Variants in CARMIL1 observed in about 807,000 individuals in gnomAD.
CARMIL1 encodes the protein capping protein regulator and myosin 1 linker 1.
A neutral mutation model predicts 177.1 loss-of-function variants in CARMIL1; 90 were observed. The ratio of observed to expected loss-of-function variants is 0.51; its 90% CI spans 0.43 to 0.61. The LOEUF (loss-of-function observed/expected upper bound fraction) is 0.61, where lower values mean the gene tolerates loss of function less well. Ranked by LOEUF, CARMIL1 falls within the 20% of genes least tolerant of loss-of-function variation. The pLI is 0.00. For missense variants in CARMIL1, 1,380 were observed against 1,667.0 expected, an observed-to-expected ratio of 0.83 and a Z score of 3.00; for synonymous variants, 577 against 606.2, an observed-to-expected ratio of 0.95 and a Z score of 0.71.
At chr6:25,518,474 C>T (rs531929385) in intron 22 of CARMIL1, among the ~76,000 whole-genome samples, 17 of 152,280 alleles carry the variant, frequency 1.1e-4, no homozygotes, top group Admixed American at 2.6e-4. Context: ...TCTCTCAGCC[C>T]CTTCTCTGTG....
intron 2 of CARMIL1, among the ~76,000 whole-genome samples, chr6:25,301,745 C>T (rs1348649777): frequency 3.9e-5 from 6 of 152,188 alleles, no homozygotes; most frequent in Non-Finnish European, 8.8e-5. Context: ...GTGAGATTCT[C>T]ACGGGCAGTT....
chr6:25,311,540 C>CG (rs11293298), intron 2 of CARMIL1, among the ~76,000 whole-genome samples: 191 of 151,884 alleles, frequency 1.3e-3, no homozygotes, highest in African/African-American at 4.2e-3. Flanking sequence ...ATATATAGAG[C>CG]GGGGGAAAAA....
Position 25,477,852 on chromosome 6 carries a change from C to CTTT in CARMIL1, c.875-4386_875-4384dup, listed in dbSNP as rs56068417. 3.1e-3 allele frequency among the ~76,000 whole-genome samples: 304 copies of CTTT among 97,976 alleles called. 7 individuals are homozygous for CTTT. Among genetic ancestry groups the CTTT allele is most frequent in the Middle Eastern group, 0.01 (1 of 96 alleles). 64.3% of individuals were successfully genotyped at this position (97,976 alleles called of 152,430 possible). A position where few individuals can be genotyped will look rare whatever the true frequency, so the allele number is the denominator to read the frequency against. On this transcript the variant is annotated intron_variant, in intron 11 of 36. Coordinates refer to ENST00000329474, the MANE Select transcript of CARMIL1 (RefSeq NM_017640.6). ...TGTCTGTCCTCACTTCTTCTCATCACTTTTTTTTTTTTTTTTTTTTTGAGA... is the reference window on the plus strand; with the variant it reads ...TGTCTGTCCTCACTTCTTCTCATCACTTTTTTTTTTTTTTTTTTTTTTTTGAGA...
chr6:25,518,130 C>T (rs1232196957), intron 22 of CARMIL1, among the ~76,000 whole-genome samples: 3 of 152,046 alleles, frequency 2.0e-5, no homozygotes, highest in African/African-American at 4.8e-5. Flanking sequence ...GCATAGAAGC[C>T]GTTTCCCTGG....
At chr6:25,312,366 A>G (rs1783897358) in intron 2 of CARMIL1, among the ~76,000 whole-genome samples, 2 of 152,224 alleles carry the variant, frequency 1.3e-5, no homozygotes, top group Admixed American at 1.3e-4. Context: ...TTAAGATACC[A>G]AGGATGATTT....
At chr6:25,562,454 G>C (rs1203165017) in intron 29 of CARMIL1, among the ~76,000 whole-genome samples, 1 of 151,950 alleles carries the variant, frequency 6.6e-6, no homozygotes, top group Non-Finnish European at 1.5e-5. Flanking sequence ...TCACCATCTT[G>C]GCCAGTCTGG....
At chr6:25,298,532 A>T (rs192203284) in intron 2 of CARMIL1, among the ~76,000 whole-genome samples, 2 of 152,136 alleles carry the variant, frequency 1.3e-5, no homozygotes, top group Non-Finnish European at 2.9e-5. Flanking sequence ...TGCATTTCCA[A>T]TACGTATCTG....
chr6:25,463,157 T>G (rs1409498181), intron 8 of CARMIL1, among the ~76,000 whole-genome samples: 1 of 151,794 alleles, frequency 6.6e-6, no homozygotes, highest in African/African-American at 2.4e-5. Flanking sequence ...TTTAAAAACA[T>G]AATAATTTTG....
At chr6:25,567,330 T>G (rs1244347932) in intron 29 of CARMIL1, among the ~76,000 whole-genome samples, 1 of 152,204 alleles carries the variant, frequency 6.6e-6, no homozygotes, top group Non-Finnish European at 1.5e-5. Flanking sequence ...AGGTTTATTA[T>G]TCTCAGTGGA....
At chr6:25,427,810 A>G (rs1436981716) in intron 4 of CARMIL1, among the ~76,000 whole-genome samples, 1 of 152,208 alleles carries the variant, frequency 6.6e-6, no homozygotes, top group Non-Finnish European at 1.5e-5. Context: ...ATGACAGAAC[A>G]TGTGGAGTAT....
intron 3 of CARMIL1, among the ~76,000 whole-genome samples, chr6:25,425,226 T>G (rs1326849089): frequency 6.6e-6 from 1 of 152,156 alleles, no homozygotes; most frequent in Non-Finnish European, 1.5e-5. Context: ...TTCATAAGTG[T>G]TTGTCAGTTG....
intron 36 of CARMIL1, among the ~76,000 whole-genome samples, chr6:25,616,814 G>A (rs186442162): frequency 2.9e-4 from 44 of 152,178 alleles, no homozygotes; most frequent in Middle Eastern, 3.4e-3. Context: ...TTCACATTAG[G>A]GATCTGGACT....
intron 2 of CARMIL1, among the ~76,000 whole-genome samples, chr6:25,396,349 A>C (rs1793386551): frequency 6.8e-6 from 1 of 148,024 alleles, no homozygotes; most frequent in Admixed American, 6.7e-5. Context: ...ATCATGTTTT[A>C]ATTTTTTTTT....
chr6:25,603,724 A>C (rs1405126526), intron 33 of CARMIL1, among the ~76,000 whole-genome samples: 3 of 152,130 alleles, frequency 2.0e-5, no homozygotes, highest in African/African-American at 4.8e-5. Context: ...GTAGATGTAG[A>C]CCATCTTTGT....
At chr6:25,341,803 T>G (rs189602482) in intron 2 of CARMIL1, among the ~76,000 whole-genome samples, 2 of 152,308 alleles carry the variant, frequency 1.3e-5, no homozygotes, top group Non-Finnish European at 2.9e-5. Context: ...CTAACTGAAT[T>G]TAAGCCTCTT....
At chr6:25,353,385 C>G (rs1032923585) in intron 2 of CARMIL1, among the ~76,000 whole-genome samples, 7 of 152,202 alleles carry the variant, frequency 4.6e-5, no homozygotes, top group Non-Finnish European at 7.3e-5. Context: ...CCAGGTCTAT[C>G]AGAGTAGGTC....
At chr6:25,286,997 A>G (rs1454400237) in intron 2 of CARMIL1, among the ~76,000 whole-genome samples, 1 of 152,238 alleles carries the variant, frequency 6.6e-6, no homozygotes, top group South Asian at 2.1e-4. Flanking sequence ...TTCTAGAAGC[A>G]TGGCCGGAAC....
intron 2 of CARMIL1, among the ~76,000 whole-genome samples, chr6:25,292,758 C>T (rs574114195): frequency 9.2e-5 from 14 of 152,156 alleles, no homozygotes; most frequent in Admixed American, 5.2e-4. Flanking sequence ...GATTTAGCCA[C>T]CCTTGGACCA....
At chr6:25,308,238 C>T (rs1783436662) in intron 2 of CARMIL1, among the ~76,000 whole-genome samples, 1 of 152,186 alleles carries the variant, frequency 6.6e-6, no homozygotes. Context: ...CTTAAAATAT[C>T]AGTTTGTAGT....
Sources: allele counts gnomAD v4.1 joint callset (sites outside exome capture counted in the v4.1 genomes callset), GRCh38; gene constraint gnomAD v4.1.1; transcripts MANE v1.5; gene names NCBI Gene and HGNC (gene_info 2026-07-23, HGNC 2026-07-21).